The following ZNF718 variants were observed in gnomAD, a reference collection of about 807,000 sequenced individuals.
ZNF718 encodes the protein zinc finger protein 718.
A neutral mutation model predicts 2.6 loss-of-function variants in ZNF718; 3 were observed. The observed-to-expected ratio is 1.16, with a 90% CI of 0.53 to 3.01. The LOEUF (loss-of-function observed/expected upper bound fraction) is 3.01. ZNF718 is among the 30% of genes most tolerant of loss of function. The pLI is 0.03. For synonymous variants in ZNF718, 135 were observed against 77.9 expected (o/e 1.73, Z -3.86); for missense variants, 468 against 230.0 (o/e 2.03, Z -6.69).
At chr4:178,980 A>T (rs1253896434) in intron 3 of ZNF718, among the ~76,000 whole-genome samples, 1 of 152,176 alleles carries the variant, frequency 6.6e-6, no homozygotes, top group African/African-American at 2.4e-5. Context: ...TAATGTTATT[A>T]TGCTCCTCCC....
chr4:152,684 T>G (rs1716380664), intron 3 of ZNF718, among the ~76,000 whole-genome samples: 1 of 152,064 alleles, frequency 6.6e-6, no homozygotes. Context: ...ACAGTAACAA[T>G]CTGATCTCTC....
chr4:151,129 G>A (rs930123838), intron 3 of ZNF718, among the ~76,000 whole-genome samples: 8 of 151,922 alleles, frequency 5.3e-5, no homozygotes, highest in African/African-American at 1.7e-4. Flanking sequence ...TTGAGATGGA[G>A]TCTTACTCTG....
chr4:154,089 T>C (rs1716456989), intron 3 of ZNF718, among the ~76,000 whole-genome samples: 1 of 152,108 alleles, frequency 6.6e-6, no homozygotes, highest in South Asian at 2.1e-4. Context: ...ATCTGATAAT[T>C]TTATAAGGTT....
chr4:160,011 A>G (rs1716753236), intron 3 of ZNF718, among the ~76,000 whole-genome samples: 2 of 152,280 alleles, frequency 1.3e-5, no homozygotes, highest in East Asian at 1.9e-4. Flanking sequence ...TCTTCAGTTA[A>G]AAGAGTTTGT....
chr4:166,397 T>C (rs1477596209), downstream of ZNF718, among the ~76,000 whole-genome samples: 2 of 152,232 alleles, frequency 1.3e-5, no homozygotes, highest in Non-Finnish European at 2.9e-5. Flanking sequence ...ATGGTATTTC[T>C]AGTTCAAGAT....
intron 3 of ZNF718, among the ~76,000 whole-genome samples, chr4:159,535 A>C (rs573469059): frequency 2.0e-4 from 30 of 152,172 alleles, no homozygotes; most frequent in South Asian, 1.5e-3. Context: ...ATAAATCTCT[A>C]TGTGTGTATC....
chr4:158,504 TGA>T (rs1716678352), intron 3 of ZNF718, among the ~76,000 whole-genome samples: 1 of 151,910 alleles, frequency 6.6e-6, no homozygotes, highest in Non-Finnish European at 1.5e-5. Context: ...TCTTGTTTTT[TGA>T]GTATCTCTAC....
chr4:125,740 C>T (rs1715179970), intron 1 of ZNF718, among the ~76,000 whole-genome samples: 1 of 152,202 alleles, frequency 6.6e-6, no homozygotes, highest in African/African-American at 2.4e-5. Flanking sequence ...CTGCTGCCAG[C>T]CCCCACCCAA....
rs1716356885 is a variant in ZNF718, at chr4:152,219, T to A, written c.227-8693T>A. ...TGCCCAGGGACAGGCAGGAGACAGA[T>A]GCCTTCCTCTTGTCTCAACTGCAAG... On this transcript the variant is annotated intron_variant, in intron 3 of 3. Transcript: ENST00000510175. Among the ~76,000 whole-genome samples, 3 of 145,436 alleles carry A rather than the reference T, an allele frequency of 2.1e-5. No individual in the cohort carries two copies. In the Admixed American group the frequency reaches 2.1e-4, roughly 10 times the overall value.
chr4:168,410 A>G (rs1553817331), downstream of ZNF718, among the ~76,000 whole-genome samples: 2 of 152,154 alleles, frequency 1.3e-5, no homozygotes, highest in African/African-American at 4.8e-5. Context: ...TGATTGGAAT[A>G]GTTTCAGAAG....
At chr4:190,302 C>T (rs546877730) in intron 3 of ZNF718, among the ~76,000 whole-genome samples, 16 of 151,680 alleles carry the variant, frequency 1.1e-4, no homozygotes, top group South Asian at 4.2e-4. Flanking sequence ...TGGTGATGGG[C>T]GCCTGTAGTC....
chr4:133,365 C>T (rs1477941699), intron 3 of ZNF718, among the ~76,000 whole-genome samples: 3 of 151,910 alleles, frequency 2.0e-5, no homozygotes, highest in Non-Finnish European at 4.4e-5. Flanking sequence ...GGTATCTACT[C>T]ACCTTCTAGA....
chr4:169,392 T>G (rs1717170036), intron 3 of ZNF718, among the ~76,000 whole-genome samples: 1 of 152,174 alleles, frequency 6.6e-6, no homozygotes, highest in Non-Finnish European at 1.5e-5. Context: ...CTGTGTTCAA[T>G]TCCTGGATAT....
intron 3 of ZNF718, among the ~76,000 whole-genome samples, chr4:187,383 C>T (rs540448131): frequency 1.6e-4 from 25 of 152,094 alleles, no homozygotes; most frequent in African/African-American, 5.5e-4. Context: ...TGCACCACCA[C>T]GCCCAGCTAA....
In ZNF718 at chr4:132,738, C is replaced by T. The variant is rs1230878797; in HGVS notation, c.226+1233C>T. On this transcript the variant is annotated intron_variant, in intron 3 of 3. Coordinates refer to ENST00000510175, the MANE Select transcript of ZNF718 (RefSeq NM_001039127.6). ...TATGAAAAAATGTAATTTTATTTTA[C>T]TTCAAAATGTTATTGTTTTAATATA... 1.9e-5 allele frequency among the ~76,000 whole-genome samples: 2 copies of T among 104,142 alleles called. 1 individual carries two copies. Among genetic ancestry groups the T allele is most frequent in the African/African-American group, 6.6e-5 (2 of 30,090 alleles). 68.3% of individuals were successfully genotyped at this position (104,142 alleles called of 152,430 possible).
At chr4:138,665 A>G (rs1715679810) in intron 3 of ZNF718, among the ~76,000 whole-genome samples, 1 of 151,940 alleles carries the variant, frequency 6.6e-6, no homozygotes, top group Non-Finnish European at 1.5e-5. Context: ...TTGCTGGATA[A>G]TATTGTAGCT....
intron 3 of ZNF718, among the ~76,000 whole-genome samples, chr4:180,045 TA>T (rs1717433518): frequency 6.6e-6 from 1 of 151,732 alleles, no homozygotes; most frequent in Non-Finnish European, 1.5e-5. Flanking sequence ...GAGAAAAAAA[TA>T]AAATTTTAAA....
chr4:154,434 G>A (rs1380637029), intron 3 of ZNF718, among the ~76,000 whole-genome samples: 1 of 152,166 alleles, frequency 6.6e-6, no homozygotes, highest in Non-Finnish European at 1.5e-5. Flanking sequence ...GAGATGTGTT[G>A]TATGGCTTTG....
chr4:135,938 C>T lies in ZNF718; in HGVS notation c.226+4433C>T, dbSNP rs149453383. ...TCTCTGAAGCAGCCCTGTGTCTGTA[C>T]GTTTGAAGGATCTAACAATGATTAT... On this transcript the variant is annotated intron_variant, in intron 3 of 3. Coordinates refer to ENST00000510175, the MANE Select transcript of ZNF718 (RefSeq NM_001039127.6). Among the ~76,000 whole-genome samples, 173 of 151,836 alleles carry T rather than the reference C, an allele frequency of 1.1e-3. 4 individuals carry two copies. In the East Asian group the frequency reaches 0.03, roughly 26 times the overall value.
Sources: gnomAD v4.1 joint callset for allele counts (sites outside exome capture counted in the v4.1 genomes callset) on GRCh38, gnomAD v4.1.1 for gene constraint, MANE v1.5 for transcripts, NCBI Gene and HGNC (gene_info 2026-07-23, HGNC 2026-07-21) for gene names.